The following BICD1 variants were observed in gnomAD, a reference collection of about 807,000 sequenced individuals.
BICD1 encodes the protein protein bicaudal D homolog 1.
BICD1 carries 35 observed loss-of-function variants against 92.5 expected under a neutral mutation model. The ratio of observed to expected loss-of-function variants is 0.38; its 90% CI spans 0.29 to 0.50. BICD1 has a LOEUF of 0.50. BICD1 is among the 20% of genes least tolerant of loss of function. The probability of loss-of-function intolerance (pLI) is 0.93; values close to 1 mark genes in which losing one functional copy is unlikely to be tolerated. For missense variants in BICD1, 950 were observed against 1,189.8 expected (o/e 0.80, Z 2.97); for synonymous variants, 429 against 465.1 (o/e 0.92, Z 1.00).
chr12:32,325,907 C>T (rs1374478144), intron 4 of BICD1, among the ~76,000 whole-genome samples: 1 of 151,256 alleles, frequency 6.6e-6, no homozygotes, highest in Non-Finnish European at 1.5e-5. Context: ...ACGGTGAAAC[C>T]CCAGCTCTAC....
chr12:32,127,034 C>A (rs1183115533), intron 1 of BICD1, among the ~76,000 whole-genome samples: 8 of 152,144 alleles, frequency 5.3e-5, no homozygotes, highest in Non-Finnish European at 1.0e-4. Flanking sequence ...TACACCTATA[C>A]TCATATTCTG....
intron 1 of BICD1, among the ~76,000 whole-genome samples, chr12:32,184,204 A>C (rs913996046): frequency 2.0e-5 from 3 of 152,178 alleles, no homozygotes; most frequent in Non-Finnish European, 1.5e-5. Context: ...TGTTGATTTG[A>C]TTTCATGCCA....
intron 1 of BICD1, among the ~76,000 whole-genome samples, chr12:32,205,085 G>C: frequency 6.6e-6 from 1 of 152,268 alleles, no homozygotes; most frequent in Middle Eastern, 3.4e-3. Context: ...GGTTATTTAA[G>C]AATGAAATAA....
Position 32,338,920 on chromosome 12 carries a change from G to A in BICD1, c.2705G>A (p.Ser902Asn). ...SFLLKGPPSM[S>N]EFIQGHRLSK... ...CTTCTGAAGGGCCCCCCTTCCATGA[G>A]TGAATTCATCCAAGGGCACCGGCTC... Residue 902 changes from serine (S) to asparagine (N), a missense_variant, in exon 8 of 10, where the codon AGT (serine) becomes AAT (asparagine). Physicochemically the swap from Ser to Asn is conservative, Grantham distance 46. Around this residue, in one of 5 missense-constraint regions of BICD1, gnomAD observed 179 missense variants for 186.7 expected, o/e 0.96. Coordinates refer to ENST00000652176, the MANE Select transcript of BICD1 (RefSeq NM_001714.4). The A allele has an allele frequency of 6.2e-7, 1 of 1,608,050 alleles. No homozygotes were observed.
intron 1 of BICD1, among the ~76,000 whole-genome samples, chr12:32,147,086 G>T (rs925677585): frequency 6.6e-6 from 1 of 151,990 alleles, no homozygotes; most frequent in Non-Finnish European, 1.5e-5. Flanking sequence ...GACCATAGGT[G>T]TGAGCCACCA....
At chr12:32,335,243 C>T (rs1938055749) in intron 6 of BICD1, among the ~76,000 whole-genome samples, 2 of 151,974 alleles carry the variant, frequency 1.3e-5, no homozygotes, top group Admixed American at 1.3e-4. Context: ...CTCCGCCTCC[C>T]GGGTTCTAGC....
intron 7 of BICD1, 96 bp from the exon 8 acceptor site, chr12:32,338,690 C>A: frequency 2.9e-5 from 29 of 990,790 alleles, no homozygotes; most frequent in South Asian, 1.0e-4. Flanking sequence ...AATTAAATGC[C>A]AGTATAAATA....
intron 4 of BICD1, among the ~76,000 whole-genome samples, chr12:32,316,537 G>T (rs1305686099): frequency 6.7e-6 from 1 of 150,312 alleles, no homozygotes; most frequent in Non-Finnish European, 1.5e-5. Context: ...CTGACCTCAG[G>T]CAATCCACCC....
chr12:32,364,283 C>T (rs562778809), intron 8 of BICD1, among the ~76,000 whole-genome samples: 63 of 152,264 alleles, frequency 4.1e-4, no homozygotes, highest in African/African-American at 1.4e-3. Flanking sequence ...TTTATTCCCC[C>T]CAAAGCAACG....
chr12:32,193,942 A>C (rs1164897037), intron 1 of BICD1, among the ~76,000 whole-genome samples: 2 of 152,204 alleles, frequency 1.3e-5, no homozygotes, highest in Non-Finnish European at 2.9e-5. Flanking sequence ...ATAGATGCAA[A>C]AGTTCTCAAC....
At chr12:32,167,654 C>T (rs1943806921) in intron 1 of BICD1, among the ~76,000 whole-genome samples, 1 of 152,124 alleles carries the variant, frequency 6.6e-6, no homozygotes, top group African/African-American at 2.4e-5. Flanking sequence ...TGGGGCTTCA[C>T]CATGTTGGTC....
At chr12:32,176,083 A>G (rs930487118) in intron 1 of BICD1, among the ~76,000 whole-genome samples, 3 of 152,218 alleles carry the variant, frequency 2.0e-5, no homozygotes, top group African/African-American at 7.2e-5. Context: ...GTTGCTGAAT[A>G]ATATTCCCTT....
At chr12:32,282,518 C>G (rs1339658981) in intron 2 of BICD1, among the ~76,000 whole-genome samples, 1 of 152,052 alleles carries the variant, frequency 6.6e-6, no homozygotes, top group East Asian at 1.9e-4. Context: ...TTCCTGAGCT[C>G]TTTCAAGGAG....
chr12:32,235,996 C>T (rs1354843052), intron 2 of BICD1, among the ~76,000 whole-genome samples: 1 of 151,570 alleles, frequency 6.6e-6, no homozygotes, highest in Non-Finnish European at 1.5e-5. Flanking sequence ...CTGCGCCTGG[C>T]CCAAACTTTT....
chr12:32,367,411 C>T (rs540009245), intron 8 of BICD1: 1 of 334,324 alleles, frequency 3.0e-6, no homozygotes, highest in South Asian at 6.9e-5. Context: ...CAAATGGCCA[C>T]ATATATCCTA....
At chr12:32,202,223 C>T (rs1394643996) in intron 1 of BICD1, among the ~76,000 whole-genome samples, 2 of 152,178 alleles carry the variant, frequency 1.3e-5, no homozygotes, top group Non-Finnish European at 2.9e-5. Flanking sequence ...GAGACAGATT[C>T]ACCAGGAAAC....
Position 32,160,499 on chromosome 12 carries a change from C to CT in BICD1, c.213+52967dup, listed in dbSNP as rs879507611. ...TTTATCTTGAAATGGAAGTGCCTCA[C>CT]TTTTTTTTTTTTAATGGAGCCTCAA... is the stretch of plus-strand genomic sequence containing the variant. On this transcript the variant is annotated intron_variant, in intron 1 of 9. Transcript: ENST00000652176. 2.6e-3 allele frequency among the ~76,000 whole-genome samples: 367 copies of CT among 143,714 alleles called. 2 individuals are homozygous for CT. The East Asian group carries it at 0.03, about 12-fold the overall frequency. 94.3% of individuals were successfully genotyped at this position (143,714 alleles called of 152,430 possible). A position where few individuals can be genotyped will look rare whatever the true frequency, so the allele number is the denominator to read the frequency against.
At chr12:32,237,052 T>G (rs1946094519) in intron 2 of BICD1, among the ~76,000 whole-genome samples, 1 of 152,028 alleles carries the variant, frequency 6.6e-6, no homozygotes, top group African/African-American at 2.4e-5. Flanking sequence ...TTTTTTTGTA[T>G]TTTTAATAGA....
At chr12:32,194,443 C>A (rs1944666475) in intron 1 of BICD1, among the ~76,000 whole-genome samples, 1 of 152,138 alleles carries the variant, frequency 6.6e-6, no homozygotes, top group Admixed American at 6.5e-5. Context: ...TATATATTAA[C>A]CCTAAAGATT....
Sources: allele counts gnomAD v4.1 joint callset (sites outside exome capture counted in the v4.1 genomes callset), GRCh38; gene constraint gnomAD v4.1.1; regional missense constraint gnomAD v4.1.1; transcripts MANE v1.5; gene names NCBI Gene and HGNC (gene_info 2026-07-23, HGNC 2026-07-21).